The following ARFGEF3 variants were observed in gnomAD, a reference collection of about 807,000 sequenced individuals.
ARFGEF3 encodes brefeldin A-inhibited guanine nucleotide-exchange protein 3.
In ARFGEF3, 96 loss-of-function variants were observed where a neutral mutation model predicts 221.7. The observed-to-expected ratio is 0.43, with a 90% CI of 0.37 to 0.51. The LOEUF (loss-of-function observed/expected upper bound fraction) is 0.51. ARFGEF3 is among the 20% of genes least tolerant of loss of function. The probability of loss-of-function intolerance (pLI) is 0.00; values close to 1 mark genes in which losing one functional copy is unlikely to be tolerated. For synonymous variants in ARFGEF3, 1,145 were observed against 1,126.8 expected (o/e 1.02, Z -0.32); for missense variants, 2,410 against 2,789.9 (o/e 0.86, Z 3.07).
At chr6:138,263,973 G>A (rs1049324391) in intron 12 of ARFGEF3, among the ~76,000 whole-genome samples, 3 of 152,214 alleles carry the variant, frequency 2.0e-5, no homozygotes, top group Non-Finnish European at 2.9e-5. Context: ...AAAATTCATA[G>A]AGCAATGTAC....
At chr6:138,310,426 A>G (rs1240806927) in intron 24 of ARFGEF3, among the ~76,000 whole-genome samples, 1 of 152,242 alleles carries the variant, frequency 6.6e-6, no homozygotes, top group East Asian at 1.9e-4. Flanking sequence ...GGCTGCTTCC[A>G]TACTACCAGG....
At chr6:138,296,193 G>C (rs965285711) in intron 20 of ARFGEF3, among the ~76,000 whole-genome samples, 1 of 152,132 alleles carries the variant, frequency 6.6e-6, no homozygotes, top group African/African-American at 2.4e-5. Flanking sequence ...GAGAAGGCCA[G>C]ACAGCATGTT....
chr6:138,207,972 T>C (rs1003395410), intron 3 of ARFGEF3, among the ~76,000 whole-genome samples: 22 of 152,228 alleles, frequency 1.4e-4, no homozygotes, highest in African/African-American at 5.3e-4. Flanking sequence ...TATATTTTTA[T>C]ACACAGCAGC....
chr6:138,329,568 G>A (rs1780186265), intron 32 of ARFGEF3, among the ~76,000 whole-genome samples: 1 of 152,208 alleles, frequency 6.6e-6, no homozygotes, highest in South Asian at 2.1e-4. Context: ...GGAGACTGAG[G>A]CAGGAGAATC....
intron 4 of ARFGEF3, among the ~76,000 whole-genome samples, chr6:138,220,958 A>G (rs538341784): frequency 1.3e-5 from 2 of 152,312 alleles, no homozygotes; most frequent in South Asian, 2.1e-4. Context: ...TGCCTCATGT[A>G]TCGGAAACCA....
At chr6:138,321,080 T>C (rs78681757) in intron 28 of ARFGEF3, 31 bp from the exon 29 acceptor site, 48,579 of 1,305,312 alleles carry the variant, frequency 0.037, 1,124 homozygotes, top group African/African-American at 0.046. Context: ...ACTAGAGCTG[T>C]GTGAAACTGT....
rs1252382336 is a variant in ARFGEF3 at position 138,337,301 on chromosome 6, A to G, written c.*815A>G. 1.3e-5 allele frequency: 2 copies of G among 152,654 alleles called. No homozygotes were observed. The highest frequency in any genetic ancestry group is 4.8e-5 in the African/African-American group (2 of 41,456). 9.5% of individuals were successfully genotyped at this position (152,654 alleles called of 1,614,324 possible). On this transcript the variant is annotated 3_prime_UTR_variant, in exon 34 of 34. Transcript: ENST00000251691. ...GGCTGTTCTTGTGGTGTTTGTTTCC[A>G]TCCCCAAGGCAAACAAGGAAAGGAA... is the stretch of plus-strand genomic sequence containing the variant.
rs763688902 is a variant in ARFGEF3 at position 138,328,097 on chromosome 6, T to C, written c.5078T>C (p.Ile1693Thr). The part of the protein sequence containing the change: ...FDHAQSCQLI[I>T]ELPPDEKPNG... ...CACGCTCAGTCCTGCCAGCTCATTA[T>C]TGAGCTGCCTCCTGATGAAAAACCA... The change falls in exon 32 of 34, where the codon ATT becomes ACT. Residue 1693 changes from isoleucine to threonine, a missense_variant. Physicochemically the swap from Ile to Thr is moderately conservative, Grantham distance 89. Transcript: ENST00000251691. 3.8e-6 allele frequency: 6 copies of C among 1,582,582 alleles called. No individual in the cohort carries two copies. The highest frequency in any genetic ancestry group is 5.2e-6 in the Non-Finnish European group (6 of 1,162,962).
intron 4 of ARFGEF3, among the ~76,000 whole-genome samples, chr6:138,212,463 T>C (rs770798281): frequency 2.6e-5 from 4 of 152,234 alleles, no homozygotes; most frequent in Admixed American, 6.5e-5. Flanking sequence ...AGTGTGGCAA[T>C]TCCTCAAGGA....
intron 5 of ARFGEF3, among the ~76,000 whole-genome samples, chr6:138,234,476 G>A (rs745945426): frequency 9.9e-5 from 10 of 100,698 alleles, no homozygotes; most frequent in East Asian, 5.2e-4. Flanking sequence ...AGTTCACCCC[G>A]TGTGTGTGTG....
intron 2 of ARFGEF3, among the ~76,000 whole-genome samples, chr6:138,178,176 G>T (rs1164190218): frequency 6.6e-6 from 1 of 152,134 alleles, no homozygotes; most frequent in East Asian, 1.9e-4. Context: ...GGGTTTTACT[G>T]AAGGCATTCC....
intron 10 of ARFGEF3, among the ~76,000 whole-genome samples, chr6:138,257,641 T>C (rs966584819): frequency 6.6e-5 from 10 of 152,148 alleles, no homozygotes; most frequent in African/African-American, 1.4e-4. Context: ...GTATCATCCT[T>C]ATCACTGGAC....
chr6:138,186,033 T>C lies in ARFGEF3; in HGVS notation c.137+15320T>C, dbSNP rs78350128. ...TCCCACAGCTAATAGATGATAGAGGTTCAAATATAGGTCTGACTCGAAAAT... is the reference window on the plus strand; with the variant it reads ...TCCCACAGCTAATAGATGATAGAGGCTCAAATATAGGTCTGACTCGAAAAT... On this transcript the variant is annotated intron_variant, in intron 2 of 33. Transcript: ENST00000251691. Among the ~76,000 whole-genome samples the C allele has an allele frequency of 5.0e-3, 764 of 152,350 alleles. 8 individuals carry two copies. Among genetic ancestry groups the C allele is most frequent in the African/African-American group, 0.017 (703 of 41,574 alleles).
intron 12 of ARFGEF3, among the ~76,000 whole-genome samples, chr6:138,274,795 C>CAAA (rs11427921): frequency 1.8e-5 from 2 of 111,538 alleles, no homozygotes; most frequent in African/African-American, 3.4e-5. Context: ...AACTCCGTCT[C>CAAA]AAAAAAAAAA....
chr6:138,224,124 A>G (rs1778033731), intron 4 of ARFGEF3, among the ~76,000 whole-genome samples: 2 of 152,182 alleles, frequency 1.3e-5, no homozygotes, highest in South Asian at 2.1e-4. Flanking sequence ...TCCCCTGGAA[A>G]TGGTCCTGCA....
chr6:138,323,136 A>ATGAT (rs1212147913), intron 29 of ARFGEF3, among the ~76,000 whole-genome samples: 20 of 152,144 alleles, frequency 1.3e-4, no homozygotes, highest in Non-Finnish European at 2.9e-4. Context: ...TCTACGTTTA[A>ATGAT]TGATTGGCCT....
chr6:138,222,737 A>G (rs1289324820), intron 4 of ARFGEF3, among the ~76,000 whole-genome samples: 1 of 152,150 alleles, frequency 6.6e-6, no homozygotes, highest in African/African-American at 2.4e-5. Context: ...AAAAACTTCA[A>G]TAGCTTTAGG....
intron 32 of ARFGEF3, among the ~76,000 whole-genome samples, chr6:138,332,519 G>A (rs1485041737): frequency 6.6e-6 from 1 of 152,052 alleles, no homozygotes; most frequent in Non-Finnish European, 1.5e-5. Flanking sequence ...TAGCTTTTGG[G>A]CCAAGTTGTT....
At position 138,324,107 on chromosome 6, in the gene ARFGEF3, C is replaced by G; in HGVS notation, c.4954C>G (p.Pro1652Ala). The G allele has an allele frequency of 6.2e-7, 1 of 1,613,844 alleles. No homozygotes were observed. The highest frequency in any genetic ancestry group is 8.5e-7 in the Non-Finnish European group (1 of 1,179,888). ...GCGAGTGGCGGCCCCGTCCTCCTCCCCAAGTGCCGAGGCCGAGTACTGGCG... is the reference window on the plus strand; with the variant it reads ...GCGAGTGGCGGCCCCGTCCTCCTCCGCAAGTGCCGAGGCCGAGTACTGGCG... Reference protein sequence around the residue: ...QVRVAAPSSSPSAEAEYWRIR... With the variant: ...QVRVAAPSSSASAEAEYWRIR... Residue 1652 changes from proline (P) to alanine (A), a missense_variant, in exon 31 of 34, where the codon CCA (proline) becomes GCA (alanine). Coordinates refer to ENST00000251691, the MANE Select transcript of ARFGEF3 (RefSeq NM_020340.5).
Sources: allele counts gnomAD v4.1 joint callset (sites outside exome capture counted in the v4.1 genomes callset), GRCh38; gene constraint gnomAD v4.1.1; transcripts MANE v1.5; gene names NCBI Gene and HGNC (gene_info 2026-07-23, HGNC 2026-07-21).